The following TMEM131L variants were observed in gnomAD, a reference collection of about 807,000 sequenced individuals.
TMEM131L encodes transmembrane protein 131-like.
Under a neutral mutation model 192.2 loss-of-function variants are expected in TMEM131L, and 54 were observed. The observed-to-expected ratio is 0.28, with a 90% confidence interval of 0.23 to 0.35. The LOEUF (loss-of-function observed/expected upper bound fraction) is 0.35, where lower values mean the gene tolerates loss of function less well. TMEM131L is among the 10% of genes least tolerant of loss of function. The probability of loss-of-function intolerance (pLI) is 1.00; values close to 1 mark genes in which losing one functional copy is unlikely to be tolerated. For synonymous variants in TMEM131L, 701 were observed against 704.9 expected (o/e 0.99, Z 0.09); for missense variants, 1,888 against 1,972.9 (o/e 0.96, Z 0.82).
chr4:153,617,091 CT>C (rs1733024984), intron 26 of TMEM131L, among the ~76,000 whole-genome samples: 1 of 152,062 alleles, frequency 6.6e-6, no homozygotes, highest in South Asian at 2.1e-4. Flanking sequence ...GGGAGGAACC[CT>C]ATGGGAGGTG....
At chr4:153,494,162 G>A (rs964319269) in intron 3 of TMEM131L, among the ~76,000 whole-genome samples, 1 of 152,088 alleles carries the variant, frequency 6.6e-6, no homozygotes, top group Non-Finnish European at 1.5e-5. Context: ...GGATCCCAGG[G>A]GTTAGTCTAT....
At chr4:153,585,173 A>C (rs1402836954) in intron 12 of TMEM131L, among the ~76,000 whole-genome samples, 1 of 152,214 alleles carries the variant, frequency 6.6e-6, no homozygotes, top group Non-Finnish European at 1.5e-5. Flanking sequence ...GTGTGAAAAG[A>C]GTACATATTC....
In TMEM131L at chr4:153,568,093, TTTTG is replaced by T. The variant is rs778348576; in HGVS notation, c.660+9737_660+9740del. 4.1e-4 allele frequency among the ~76,000 whole-genome samples: 62 copies of T among 152,330 alleles called. 1 individual carries two copies. The highest frequency in any genetic ancestry group is 1.4e-3 in the South Asian group (7 of 4,830). On this transcript the variant is annotated intron_variant, in intron 7 of 34. Coordinates refer to ENST00000409959, the MANE Select transcript of TMEM131L (RefSeq NM_001131007.2). ...ATCTACCTACTTCTGAATATAGCTT[TTTTG>T]TTTGTTTGTTTTAAAAGGAATTGCT...
At position 153,584,891 on chromosome 4, in the gene TMEM131L, C is replaced by T. The variant is rs538118384; in HGVS notation, c.1117C>T (p.Pro373Ser). Residue 373 changes from proline to serine, a missense_variant, in exon 12 of 35, where the codon CCA (proline) becomes TCA (serine). Physicochemically the swap from Pro to Ser is moderately conservative, Grantham distance 74. Transcript: ENST00000409959. ...AGATGTGAAGAAAACAACACACACT[C>T]CAACACTAAAAGCATGCCTCTTCTC... is the stretch of plus-strand genomic sequence containing the variant. ...IEDVKKTTHT[P>S]TLKACLFSSV... The T allele has an allele frequency of 1.2e-6, 2 of 1,614,100 alleles. No homozygotes were observed. Among genetic ancestry groups the T allele is most frequent in the Non-Finnish European group, 8.5e-7 (1 of 1,179,952 alleles).
chr4:153,566,992 C>T (rs115987415), intron 7 of TMEM131L, among the ~76,000 whole-genome samples: 1,608 of 152,348 alleles, frequency 0.011, 18 homozygotes, highest in Middle Eastern at 0.02. Context: ...CTGCCTACAG[C>T]GTGGTGCCTG....
intron 3 of TMEM131L, among the ~76,000 whole-genome samples, chr4:153,513,753 A>T (rs1413657503): frequency 2.6e-5 from 4 of 152,212 alleles, no homozygotes; most frequent in Non-Finnish European, 5.9e-5. Context: ...AAACATTAAA[A>T]GATGGCCTTG....
chr4:153,466,540 G>C lies in TMEM131L; in HGVS notation c.124+19G>C. 7.6e-7 allele frequency: 1 copy of C among 1,316,892 alleles called. No homozygotes were observed. The highest frequency in any genetic ancestry group is 1.5e-5 in the African/African-American group (1 of 65,556). The allele number at this position is 1,316,892 out of a possible 1,614,324, so 81.6% of individuals were successfully genotyped here. A position where few individuals can be genotyped will look rare whatever the true frequency, so the allele number is the denominator to read the frequency against. On this transcript the variant is annotated intron_variant, in intron 1 of 34. Transcript: ENST00000409959. ...GGACAAGGTCAGCCTTGCGCCGCTG[G>C]GCTCGCTCTGCCTCTCCACCCCGCC... is the stretch of plus-strand genomic sequence containing the variant.
At chr4:153,523,837 T>C (rs1375277525) in intron 3 of TMEM131L, among the ~76,000 whole-genome samples, 1 of 152,208 alleles carries the variant, frequency 6.6e-6, no homozygotes, top group Non-Finnish European at 1.5e-5. Flanking sequence ...ATAGATTACA[T>C]AGCAAGTTGT....
intron 3 of TMEM131L, among the ~76,000 whole-genome samples, chr4:153,505,658 G>A (rs1335610732): frequency 6.6e-6 from 1 of 152,194 alleles, no homozygotes; most frequent in South Asian, 2.1e-4. Flanking sequence ...TTAGAGGTAA[G>A]TTCAAAGCTC....
At chr4:153,526,609 G>A (rs1241949727) in intron 3 of TMEM131L, among the ~76,000 whole-genome samples, 1 of 152,060 alleles carries the variant, frequency 6.6e-6, no homozygotes, top group Non-Finnish European at 1.5e-5. Flanking sequence ...GTGGTGGCGG[G>A]CACCTGTAGT....
At chr4:153,585,726 A>G (rs959114153) in intron 13 of TMEM131L, 115 bp downstream of exon 13, 2 of 600,682 alleles carry the variant, frequency 3.3e-6, no homozygotes, top group African/African-American at 3.9e-5. Context: ...CTATGAAGTT[A>G]TTATTTATAT....
chr4:153,526,686 G>A (rs1030736928), intron 3 of TMEM131L, among the ~76,000 whole-genome samples: 59 of 151,558 alleles, frequency 3.9e-4, no homozygotes, highest in Non-Finnish European at 5.4e-4. Context: ...TGCAGTGAGC[G>A]AGATCACGCC....
rs372509866 is a variant in TMEM131L, at chr4:153,630,997, C to CA, written c.4208-1719dup. ...ATCTGTTGCTTCCCAAGTGGCAGAC[C>CA]AAGCACCTAAACCATTGGCAATAGC... On this transcript the variant is annotated intron_variant, in intron 31 of 34. Coordinates refer to ENST00000409959, the MANE Select transcript of TMEM131L (RefSeq NM_001131007.2). 4.4e-3 allele frequency among the ~76,000 whole-genome samples: 666 copies of CA among 152,352 alleles called. 2 individuals carry two copies. The highest frequency in any genetic ancestry group is 0.015 in the African/African-American group (629 of 41,576).
chr4:153,556,002 T>C, intron 5 of TMEM131L, 92 bp downstream of exon 5: 1 of 1,298,280 alleles, frequency 7.7e-7, no homozygotes, highest in Non-Finnish European at 1.1e-6. Flanking sequence ...TTCTGCTCCC[T>C]GTCTCCCGCT....
intron 7 of TMEM131L, among the ~76,000 whole-genome samples, chr4:153,564,843 C>T (rs1049564133): frequency 7.2e-5 from 11 of 152,154 alleles, no homozygotes; most frequent in African/African-American, 2.7e-4. Flanking sequence ...AGTCCAAGCT[C>T]CTTTGCTTGG....
intron 3 of TMEM131L, among the ~76,000 whole-genome samples, chr4:153,505,610 G>A (rs937870517): frequency 6.6e-6 from 1 of 152,186 alleles, no homozygotes; most frequent in African/African-American, 2.4e-5. Flanking sequence ...AAAGCAAAAT[G>A]TAGGTCATGG....
chr4:153,585,593 G>A lies in TMEM131L; in HGVS notation c.1293G>A (p.Glu431=). The A allele has an allele frequency of 1.2e-6, 2 of 1,613,164 alleles. No individual in the cohort carries two copies. The highest frequency in any genetic ancestry group is 1.7e-6 in the Non-Finnish European group (2 of 1,179,512). Residue 431 remains glutamate (E), a synonymous_variant, in exon 13 of 35, where the codon GAG becomes GAA. Transcript: ENST00000409959. ...VVLNDVFLSK[E]TKHMLKILNF... ...TAAATGATGTGTTTCTTTCCAAGGA[G>A]ACCAAGCACATGTTAAAGGTACATA...
intron 7 of TMEM131L, among the ~76,000 whole-genome samples, chr4:153,571,964 C>T (rs1561202474): frequency 6.6e-6 from 1 of 152,168 alleles, no homozygotes; most frequent in Admixed American, 6.5e-5. Flanking sequence ...ATTTTGAATA[C>T]CTGCACAATG....
intron 3 of TMEM131L, among the ~76,000 whole-genome samples, chr4:153,541,915 G>A (rs1003753411): frequency 2.0e-5 from 3 of 152,188 alleles, no homozygotes; most frequent in African/African-American, 7.2e-5. Flanking sequence ...CTTCCTTGTG[G>A]CATCAGCTTG....
Sources: allele counts gnomAD v4.1 joint callset (sites outside exome capture counted in the v4.1 genomes callset), GRCh38; gene constraint gnomAD v4.1.1; transcripts MANE v1.5; gene names NCBI Gene and HGNC (gene_info 2026-07-23, HGNC 2026-07-21).